COL14A1: variants seen among roughly 807,000 people sequenced by gnomAD.
COL14A1 encodes the protein collagen type XIV alpha 1 chain, also known as collagen alpha-1(XIV) chain.
A neutral mutation model predicts 230.3 loss-of-function variants in COL14A1; 136 were observed. That is an observed-to-expected ratio of 0.59 (90% CI 0.51 to 0.68). The LOEUF (loss-of-function observed/expected upper bound fraction) is 0.68, where lower values mean the gene tolerates loss of function less well. Among genes scored for constraint, COL14A1 ranks in the 30% least tolerant of loss-of-function variants. The pLI, the probability that COL14A1 is intolerant of heterozygous loss-of-function variation, is 0.00. For missense variants in COL14A1, 1,976 were observed against 2,215.8 expected (o/e 0.89, Z 2.17); for synonymous variants, 792 against 784.1 (o/e 1.01, Z -0.17).
intron 2 of COL14A1, among the ~76,000 whole-genome samples, chr8:120,151,353 GA>G (rs907361978): frequency 1.1e-4 from 17 of 150,466 alleles, no homozygotes; most frequent in African/African-American, 2.7e-4. Context: ...CATTTTCAGA[GA>G]AAAAAAAATA....
intron 25 of COL14A1, among the ~76,000 whole-genome samples, chr8:120,269,072 G>C (rs1359988352): frequency 6.6e-6 from 1 of 151,698 alleles, no homozygotes; most frequent in Non-Finnish European, 1.5e-5. Flanking sequence ...GAATGAAGTT[G>C]TACTTCATAA....
At chr8:120,364,033 G>A (rs1823319655) in intron 45 of COL14A1, among the ~76,000 whole-genome samples, 1 of 152,064 alleles carries the variant, frequency 6.6e-6, no homozygotes, top group Admixed American at 6.6e-5. Context: ...ACAAGTTATG[G>A]AGACAGACAA....
At chr8:120,179,812 A>AC (rs1231436931) in intron 5 of COL14A1, among the ~76,000 whole-genome samples, 2 of 152,230 alleles carry the variant, frequency 1.3e-5, no homozygotes, top group Non-Finnish European at 2.9e-5. Context: ...CTACAAGTCT[A>AC]CATTAACCAA....
chr8:120,367,270 G>T (rs778540730), intron 46 of COL14A1, 22 bp downstream of exon 46: 4 of 1,577,144 alleles, frequency 2.5e-6, no homozygotes, highest in Non-Finnish European at 3.5e-6. Context: ...TTCCTAACAA[G>T]AGACTGCAAA....
chr8:120,246,842 T>C (rs1046812590), intron 20 of COL14A1, among the ~76,000 whole-genome samples: 1 of 152,066 alleles, frequency 6.6e-6, no homozygotes, highest in Non-Finnish European at 1.5e-5. Flanking sequence ...TAAGCAATAA[T>C]ATAAAACTTC....
chr8:120,322,443 C>G (rs1341037124), intron 40 of COL14A1, among the ~76,000 whole-genome samples: 2 of 152,154 alleles, frequency 1.3e-5, no homozygotes, highest in Non-Finnish European at 2.9e-5. Context: ...CATAGGTAAA[C>G]ATGTGACATG....
At position 120,247,686 on chromosome 8, in the gene COL14A1, C is replaced by G. The variant is rs1200456254; in HGVS notation, c.2553C>G (p.Pro851=). ...WYNRLRITWD[P]PSSPVKGYRI... ...ACCGGTTGCGCATTACGTGGGACCC[C>G]CCATCTTCCCCGGTGAAAGGCTATA... The change falls in exon 21 of 48, where the codon CCC becomes CCG. Residue 851 remains proline, a synonymous_variant. Coordinates refer to ENST00000297848, the MANE Select transcript of COL14A1 (RefSeq NM_021110.4). 1 of 1,614,104 alleles carries G rather than the reference C, an allele frequency of 6.2e-7. No homozygotes were observed. Among genetic ancestry groups the G allele is most frequent in the East Asian group, 2.2e-5 (1 of 44,870 alleles).
In COL14A1 at chr8:120,248,891, C is replaced by A. The variant is rs974618630; in HGVS notation, c.2602+1156C>A. Among the ~76,000 whole-genome samples the A allele has an allele frequency of 6.8e-4, 96 of 140,452 alleles. 1 individual carries two copies. Among genetic ancestry groups the A allele is most frequent in the African/African-American group, 2.3e-3 (90 of 38,356 alleles). The allele number at this position is 140,452 out of a possible 152,430, so 92.1% of individuals were successfully genotyped here. A position where few individuals can be genotyped will look rare whatever the true frequency, so the allele number is the denominator to read the frequency against. Reference sequence around the variant, plus strand: ...ATAAAATATAAGCACTTTCTGCCTTCAAAAACTCCATTAGTTTCAATCTTT... The same window carrying A: ...ATAAAATATAAGCACTTTCTGCCTTAAAAAACTCCATTAGTTTCAATCTTT... On this transcript the variant is annotated intron_variant, in intron 21 of 47. Transcript: ENST00000297848.
At chr8:120,308,827 T>G (rs1008973576) in intron 36 of COL14A1, among the ~76,000 whole-genome samples, 1 of 152,228 alleles carries the variant, frequency 6.6e-6, no homozygotes, top group African/African-American at 2.4e-5. Context: ...ATCCTTCTGC[T>G]CAGGTAAAAT....
rs1259562397 is a variant in COL14A1, at chr8:120,373,174, T to A, written c.*1943T>A. Among the ~76,000 whole-genome samples, 1 of 152,190 alleles carries A rather than the reference T, an allele frequency of 6.6e-6. No homozygotes were observed. Among genetic ancestry groups the A allele is most frequent in the Non-Finnish European group, 1.5e-5 (1 of 68,026 alleles). On this transcript the variant is annotated 3_prime_UTR_variant, in exon 48 of 48. Coordinates refer to ENST00000297848, the MANE Select transcript of COL14A1 (RefSeq NM_021110.4). The stretch of plus-strand genomic sequence containing the variant: ...CTTGGAAACAAAGTTAAATACCATG[T>A]CACTCAGAAGACTCTCAAAGTTTGT...
intron 8 of COL14A1, among the ~76,000 whole-genome samples, chr8:120,202,098 A>C (rs922343299): frequency 6.6e-6 from 1 of 152,148 alleles, no homozygotes; most frequent in Non-Finnish European, 1.5e-5. Flanking sequence ...AGAGAGATTT[A>C]TTTTCCTGTC....
At position 120,370,275 on chromosome 8, in the gene COL14A1, G is replaced by A. The variant is rs1053332599; in HGVS notation, c.5311+790G>A. ...AATTGGTCAACAAAGTTTTGCTGAT[G>A]TGTTTTTCTCTGTTCATCTTTTCCC... On this transcript the variant is annotated intron_variant, in intron 47 of 47. Coordinates refer to ENST00000297848, the MANE Select transcript of COL14A1 (RefSeq NM_021110.4). The A allele has an allele frequency of 1.9e-6, 3 of 1,539,680 alleles. No individual in the cohort carries two copies. The Admixed American group carries it at 5.3e-5, about 27-fold the overall frequency.
At chr8:120,313,419 T>G (rs888954906) in intron 37 of COL14A1, among the ~76,000 whole-genome samples, 4 of 152,040 alleles carry the variant, frequency 2.6e-5, no homozygotes, top group Admixed American at 6.6e-5. Flanking sequence ...GGTCATTCAG[T>G]GGACATTGAA....
chr8:120,236,397 GT>G (rs536469270), intron 19 of COL14A1, among the ~76,000 whole-genome samples: 255 of 150,058 alleles, frequency 1.7e-3, no homozygotes, highest in African/African-American at 5.9e-3. Flanking sequence ...TTTGATCTTT[GT>G]TGGCTTAAAA....
At chr8:120,139,284 C>T (rs563826948) in intron 1 of COL14A1, among the ~76,000 whole-genome samples, 1 of 152,306 alleles carries the variant, frequency 6.6e-6, no homozygotes, top group African/African-American at 2.4e-5. Flanking sequence ...TTCAAGTCTT[C>T]TTTGCCTGAA....
Position 120,199,514 on chromosome 8 carries a change from T to C in COL14A1, c.825T>C (p.Ile275=). The C allele has an allele frequency of 6.2e-7, 1 of 1,613,196 alleles. No homozygotes were observed. The highest frequency in any genetic ancestry group is 8.5e-7 in the Non-Finnish European group (1 of 1,179,616). ...CAGATGGAAAATCCCAAGATGACAT[T>C]ATTCCACCATCTAGAAATCTTCGTG... ...LITDGKSQDD[I]IPPSRNLRES... is the part of the protein sequence containing the mutation. The change falls in exon 8 of 48, where the codon ATT becomes ATC. Residue 275 remains isoleucine, a synonymous_variant. Coordinates refer to ENST00000297848, the MANE Select transcript of COL14A1 (RefSeq NM_021110.4).
At chr8:120,166,928 GA>G (rs1815916784) in intron 4 of COL14A1, among the ~76,000 whole-genome samples, 3 of 148,266 alleles carry the variant, frequency 2.0e-5, no homozygotes, top group African/African-American at 7.6e-5. Flanking sequence ...GTGTGGTGGT[GA>G]TGATGGTGGT....
At chr8:120,145,932 T>C (rs1447980336) in intron 1 of COL14A1, among the ~76,000 whole-genome samples, 2 of 127,630 alleles carry the variant, frequency 1.6e-5, no homozygotes, top group Non-Finnish European at 3.7e-5. Flanking sequence ...CTGTTAAAAC[T>C]CTTTGTTTTT....
In COL14A1 at chr8:120,243,865, G is replaced by C. The variant is rs1818682874; in HGVS notation, c.2350-14G>C. 1 of 1,611,462 alleles carries C rather than the reference G, an allele frequency of 6.2e-7. No individual in the cohort carries two copies. The highest frequency in any genetic ancestry group is 8.5e-7 in the Non-Finnish European group (1 of 1,178,510). The stretch of plus-strand genomic sequence containing the variant: ...GGTCTCACTAAGACTGCAGTCCTTT[G>C]CTTTTTTGTTCAGGTTATGGTGCCT... On this transcript the variant is annotated splice_polypyrimidine_tract_variant and intron_variant, in intron 19 of 47. Coordinates refer to ENST00000297848, the MANE Select transcript of COL14A1 (RefSeq NM_021110.4).
Sources: allele counts gnomAD v4.1 joint callset (sites outside exome capture counted in the v4.1 genomes callset), GRCh38; gene constraint gnomAD v4.1.1; transcripts MANE v1.5; gene names NCBI Gene and HGNC (gene_info 2026-07-23, HGNC 2026-07-21).